The following GNAQ variants were observed in gnomAD, a reference collection of about 807,000 sequenced individuals.
The protein encoded by GNAQ is G protein subunit alpha q.
Under a neutral mutation model 43.9 loss-of-function variants are expected in GNAQ, and 8 were observed. The observed-to-expected ratio is 0.18, with a 90% confidence interval of 0.11 to 0.33. GNAQ has a LOEUF of 0.33. Ranked by LOEUF, GNAQ falls within the 10% of genes least tolerant of loss-of-function variation. The probability of loss-of-function intolerance (pLI) is 1.00; values close to 1 mark genes in which losing one functional copy is unlikely to be tolerated. For missense variants in GNAQ, 158 were observed against 450.8 expected, an observed-to-expected ratio of 0.35 and a Z score of 5.88; for synonymous variants, 155 against 170.7, an observed-to-expected ratio of 0.91 and a Z score of 0.71.
intron 1 of GNAQ, among the ~76,000 whole-genome samples, chr9:78,013,992 T>C (rs998380934): frequency 6.6e-6 from 1 of 152,138 alleles, no homozygotes; most frequent in Admixed American, 6.5e-5. Context: ...GGACATATAA[T>C]ACCATTTGAT....
chr9:77,861,176 A>G (rs1218112415), intron 2 of GNAQ, among the ~76,000 whole-genome samples: 1 of 152,200 alleles, frequency 6.6e-6, no homozygotes, highest in Admixed American at 6.5e-5. Flanking sequence ...GAGCTTGAGC[A>G]GGGAAACTCC....
At chr9:78,019,923 CAA>C (rs34222702) in intron 1 of GNAQ, among the ~76,000 whole-genome samples, 15 of 94,116 alleles carry the variant, frequency 1.6e-4, no homozygotes, top group East Asian at 9.5e-4. Flanking sequence ...GACTCCATCT[CAA>C]AAAAAAAAAA....
At chr9:77,800,583 G>T (rs1314162543) in intron 3 of GNAQ, among the ~76,000 whole-genome samples, 1 of 152,192 alleles carries the variant, frequency 6.6e-6, no homozygotes, top group African/African-American at 2.4e-5. Flanking sequence ...TGGGGGGAGG[G>T]ATAGCATTGG....
chr9:77,769,293 T>G (rs1043496116), intron 5 of GNAQ, among the ~76,000 whole-genome samples: 2 of 151,662 alleles, frequency 1.3e-5, no homozygotes, highest in African/African-American at 4.8e-5. Flanking sequence ...TCCCAACTAC[T>G]TGGGAGGCTG....
chr9:77,987,254 T>A (rs553362971), intron 1 of GNAQ, among the ~76,000 whole-genome samples: 2 of 152,262 alleles, frequency 1.3e-5, no homozygotes, highest in Admixed American at 1.3e-4. Context: ...ATCTTGAGTA[T>A]CTCTTTGGGT....
chr9:77,855,918 G>A (rs1259085127), intron 2 of GNAQ, among the ~76,000 whole-genome samples: 1 of 152,034 alleles, frequency 6.6e-6, no homozygotes, highest in African/African-American at 2.4e-5. Context: ...TTTGGTTAAT[G>A]TATATGTATC....
chr9:77,744,061 A>G (rs534920235), intron 5 of GNAQ, among the ~76,000 whole-genome samples: 1 of 152,344 alleles, frequency 6.6e-6, no homozygotes, highest in South Asian at 2.1e-4. Flanking sequence ...AATGCACCCC[A>G]TGGTGACCAT....
chr9:77,984,564 T>A (rs1054730070), intron 1 of GNAQ, among the ~76,000 whole-genome samples: 1 of 152,208 alleles, frequency 6.6e-6, no homozygotes, highest in Non-Finnish European at 1.5e-5. Context: ...TGAATTCGCA[T>A]AATTTTTGGT....
chr9:77,995,228 G>C (rs1298994729), intron 1 of GNAQ, among the ~76,000 whole-genome samples: 1 of 152,174 alleles, frequency 6.6e-6, no homozygotes, highest in Non-Finnish European at 1.5e-5. Context: ...AAGCCTTGCA[G>C]CCTCAAAGAT....
intron 5 of GNAQ, among the ~76,000 whole-genome samples, chr9:77,766,133 C>T (rs1826133156): frequency 6.6e-6 from 1 of 152,108 alleles, no homozygotes; most frequent in African/African-American, 2.4e-5. Context: ...TCTGACGATC[C>T]ATGTAGTGAT....
chr9:77,935,224 T>A (rs534179956), intron 1 of GNAQ, among the ~76,000 whole-genome samples: 5 of 152,174 alleles, frequency 3.3e-5, no homozygotes, highest in Non-Finnish European at 7.3e-5. Flanking sequence ...GCCAAACCTC[T>A]GCATTGTTCA....
At chr9:77,751,763 A>T (rs1825815226) in intron 5 of GNAQ, among the ~76,000 whole-genome samples, 1 of 152,200 alleles carries the variant, frequency 6.6e-6, no homozygotes, top group Admixed American at 6.5e-5. Flanking sequence ...CAACTAGGAA[A>T]CGAGGCAAGG....
At chr9:77,822,655 C>G (rs1435425476) in intron 2 of GNAQ, among the ~76,000 whole-genome samples, 1 of 148,058 alleles carries the variant, frequency 6.8e-6, no homozygotes, top group Non-Finnish European at 1.5e-5. Context: ...CAAATGCTCC[C>G]AAGAATTTCA....
At chr9:77,833,997 G>A (rs1254744512) in intron 2 of GNAQ, among the ~76,000 whole-genome samples, 1 of 152,086 alleles carries the variant, frequency 6.6e-6, no homozygotes, top group Non-Finnish European at 1.5e-5. Flanking sequence ...GAGAAAAAAT[G>A]TTTTAAATAT....
At chr9:77,809,378 G>A (rs1826878781) in intron 3 of GNAQ, among the ~76,000 whole-genome samples, 2 of 152,162 alleles carry the variant, frequency 1.3e-5, no homozygotes, top group South Asian at 4.1e-4. Context: ...ATTGAGACTT[G>A]TGTCTTCTGG....
rs1374602114 is a variant in GNAQ, at chr9:77,810,228, AT to A, written c.476+5387del. Reference sequence around the variant, plus strand: ...CAATCATCTATCTATCTATCTATCTATCTATCTATCTATCTATCTATCTATC... The same window carrying A: ...CAATCATCTATCTATCTATCTATCTACTATCTATCTATCTATCTATCTATC... On this transcript the variant is annotated intron_variant, in intron 3 of 6. Transcript: ENST00000286548. Among the ~76,000 whole-genome samples the A allele has an allele frequency of 2.6e-4, 38 of 148,968 alleles. 1 individual carries two copies. Among genetic ancestry groups the A allele is most frequent in the African/African-American group, 9.4e-4 (37 of 39,452 alleles).
chr9:77,855,069 A>C (rs1266094302), intron 2 of GNAQ, among the ~76,000 whole-genome samples: 1 of 152,208 alleles, frequency 6.6e-6, no homozygotes, highest in African/African-American at 2.4e-5. Flanking sequence ...GACAGTATCA[A>C]TAGTGTGCCC....
chr9:77,950,685 T>C (rs953455010), intron 1 of GNAQ, among the ~76,000 whole-genome samples: 5 of 152,220 alleles, frequency 3.3e-5, no homozygotes, highest in African/African-American at 9.6e-5. Context: ...CGCACAGCAT[T>C]TGTTTTTCAC....
At chr9:77,762,370 A>C (rs1328418203) in intron 5 of GNAQ, among the ~76,000 whole-genome samples, 45 of 123,288 alleles carry the variant, frequency 3.6e-4, no homozygotes, top group Middle Eastern at 5.2e-3. Context: ...GGCCGCCCCT[A>C]CTGGGAAGTG....
Sources: gnomAD v4.1 joint callset for allele counts (sites outside exome capture counted in the v4.1 genomes callset) on GRCh38, gnomAD v4.1.1 for gene constraint, MANE v1.5 for transcripts, NCBI Gene and HGNC (gene_info 2026-07-23, HGNC 2026-07-21) for gene names.